Variants in CYP2C19 observed in about 807,000 individuals in gnomAD.
CYP2C19 encodes the protein cytochrome P450 family 2 subfamily C member 19.
CYP2C19 carries 59 observed loss-of-function variants against 40.9 expected under a neutral mutation model. The ratio of observed to expected loss-of-function variants is 1.44; its 90% CI spans 1.17 to 1.79. The LOEUF (loss-of-function observed/expected upper bound fraction) is 1.79. CYP2C19 is among the 40% of genes most tolerant of loss of function. The pLI, the probability that CYP2C19 is intolerant of heterozygous loss-of-function variation, is 0.00. For missense variants in CYP2C19, 754 were observed against 596.9 expected, an observed-to-expected ratio of 1.26 and a Z score of -2.74; for synonymous variants, 253 against 208.7, an observed-to-expected ratio of 1.21 and a Z score of -1.83.
chr10:94,815,975 G>T (rs1164477293), intron 5 of CYP2C19, among the ~76,000 whole-genome samples: 1 of 152,142 alleles, frequency 6.6e-6, no homozygotes, highest in Non-Finnish European at 1.5e-5. Context: ...AATTTAAGTT[G>T]TGGTTGTCTA....
chr10:94,769,672 G>T (rs952968026), intron 1 of CYP2C19, among the ~76,000 whole-genome samples: 1 of 152,136 alleles, frequency 6.6e-6, no homozygotes, highest in African/African-American at 2.4e-5. Context: ...GTTTTTAAAC[G>T]TTTAACAATA....
chr10:94,780,660 G>A lies in CYP2C19; in HGVS notation c.642+1G>A. ...GATTGTAAGCACCCCCTGGATCCAG[G>A]TAAGGCCAAGTTTTTTGCTTCCTGA... On this transcript the variant is annotated splice_donor_variant, in intron 4 of 8. Coordinates refer to ENST00000371321, the MANE Select transcript of CYP2C19 (RefSeq NM_000769.4). LOFTEE classifies it high-confidence loss of function. The A allele has an allele frequency of 1.2e-6, 2 of 1,613,376 alleles. No homozygotes were observed. Among genetic ancestry groups the A allele is most frequent in the Non-Finnish European group, 1.7e-6 (2 of 1,179,710 alleles).
chr10:94,766,163 G>C (rs866502554), intron 1 of CYP2C19, among the ~76,000 whole-genome samples: 1 of 152,196 alleles, frequency 6.6e-6, no homozygotes, highest in African/African-American at 2.4e-5. Context: ...TGTGGGAATG[G>C]GGGTGGCAAC....
intron 4 of CYP2C19, among the ~76,000 whole-genome samples, chr10:94,781,535 ATTG>A (rs892619604): frequency 5.3e-5 from 8 of 152,114 alleles, no homozygotes; most frequent in Non-Finnish European, 1.0e-4. Context: ...GTAGAGAAGA[ATTG>A]TTGTAAAAAG....
intron 6 of CYP2C19, among the ~76,000 whole-genome samples, chr10:94,839,676 G>A (rs553298989): frequency 6.6e-6 from 1 of 152,278 alleles, no homozygotes; most frequent in East Asian, 1.9e-4. Context: ...CAAAGAGTTC[G>A]CACTTTTGAG....
Position 94,853,309 on chromosome 10 carries a change from T to C in CYP2C19, c.*395T>C. On this transcript the variant is annotated 3_prime_UTR_variant, in exon 9 of 9. Coordinates refer to ENST00000371321, the MANE Select transcript of CYP2C19 (RefSeq NM_000769.4). ...CTTTGTGCATAATGCAGGTGACAAA[T>C]TAAAGAAAATAGAGTTCCAGGAGGC... 1 of 388,478 alleles carries C rather than the reference T, an allele frequency of 2.6e-6. No homozygotes were observed. Among genetic ancestry groups the C allele is most frequent in the South Asian group, 2.0e-5 (1 of 49,606 alleles). 24.1% of individuals were successfully genotyped at this position (388,478 alleles called of 1,614,324 possible).
At chr10:94,827,995 G>A (rs544479878) in intron 6 of CYP2C19, among the ~76,000 whole-genome samples, 4 of 151,948 alleles carry the variant, frequency 2.6e-5, no homozygotes, top group East Asian at 1.9e-4. Flanking sequence ...TCTTAATCCC[G>A]AGTTCTAGTT....
Position 94,827,472 on chromosome 10 carries a change from G to A in CYP2C19, c.961+6835G>A, listed in dbSNP as rs530924520. Among the ~76,000 whole-genome samples, 5 of 152,210 alleles carry A rather than the reference G, an allele frequency of 3.3e-5. No homozygotes were observed. In the South Asian group the frequency reaches 8.3e-4, roughly 25 times the overall value. The stretch of plus-strand genomic sequence containing the variant: ...CATAGAGGTGTTTGTAGTATTCTCT[G>A]ATGGTAGTTTGTATTTCTGTGGGAT... On this transcript the variant is annotated intron_variant, in intron 6 of 8. Coordinates refer to ENST00000371321, the MANE Select transcript of CYP2C19 (RefSeq NM_000769.4).
chr10:94,785,476 T>A (rs1383977873), intron 5 of CYP2C19, among the ~76,000 whole-genome samples: 1 of 152,090 alleles, frequency 6.6e-6, no homozygotes, highest in African/African-American at 2.4e-5. Flanking sequence ...TGGCCACAGA[T>A]GTTTAGGTTT....
chr10:94,816,626 G>A (rs1001253164), intron 5 of CYP2C19, among the ~76,000 whole-genome samples: 1 of 148,084 alleles, frequency 6.8e-6, no homozygotes, highest in Non-Finnish European at 1.5e-5. Flanking sequence ...TGTGCACATT[G>A]TGCAGGTTAG....
chr10:94,852,803 G>T lies in CYP2C19; in HGVS notation c.1362G>T (p.Gln454His). The T allele has an allele frequency of 1.2e-6, 2 of 1,614,066 alleles. No individual in the cohort carries two copies. Among genetic ancestry groups the T allele is most frequent in the Non-Finnish European group, 1.7e-6 (2 of 1,179,980 alleles). Residue 454 changes from glutamine (Q) to histidine (H), a missense_variant, in exon 9 of 9, where the codon CAG (glutamine) becomes CAT (histidine). Gln to His is a conservative substitution (Grantham distance 24). Coordinates refer to ENST00000371321, the MANE Select transcript of CYP2C19 (RefSeq NM_000769.4). ...TTTTATTCCTGACCTTCATTTTACAGAACTTTAACCTGAAATCTCTGATTG... is the reference window on the plus strand; with the variant it reads ...TTTTATTCCTGACCTTCATTTTACATAACTTTAACCTGAAATCTCTGATTG... The part of the protein sequence containing the change: ...ELFLFLTFIL[Q>H]NFNLKSLIDP...
chr10:94,855,371 C>CT lies in CYP2C19; in HGVS notation c.*2458dup, dbSNP rs1849715361. Among the ~76,000 whole-genome samples the CT allele has an allele frequency of 6.6e-6, 1 of 152,246 alleles. No homozygotes were observed. The highest frequency in any genetic ancestry group is 1.5e-5 in the Non-Finnish European group (1 of 68,042). On this transcript the variant is annotated 3_prime_UTR_variant, in exon 9 of 9. Coordinates refer to ENST00000371321, the MANE Select transcript of CYP2C19 (RefSeq NM_000769.4). Reference sequence around the variant, plus strand: ...CAACAATTGGACAAGGGCAATCTGACTGGAAAGTAGAAGTTGCTAACAACT... The same window carrying CT: ...CAACAATTGGACAAGGGCAATCTGACTTGGAAAGTAGAAGTTGCTAACAACT...
intron 6 of CYP2C19, among the ~76,000 whole-genome samples, chr10:94,841,053 TCCACTTCCAAGATGGTGGTGGG>T (rs1386240286): frequency 2.0e-5 from 3 of 151,932 alleles, no homozygotes; most frequent in Non-Finnish European, 4.4e-5. Context: ...ATGGTGGTGA[TCCACTTCCAAGATGGTGGTGGG>T]CCACTTCCAA....
At chr10:94,828,114 G>A (rs914707951) in intron 6 of CYP2C19, among the ~76,000 whole-genome samples, 3 of 152,260 alleles carry the variant, frequency 2.0e-5, no homozygotes, top group African/African-American at 4.8e-5. Context: ...TAGGTGTGGT[G>A]TGGTGCTGAA....
chr10:94,795,365 G>A (rs1398993903), intron 5 of CYP2C19, among the ~76,000 whole-genome samples: 1 of 151,914 alleles, frequency 6.6e-6, no homozygotes, highest in East Asian at 1.9e-4. Context: ...AGTATTCCAT[G>A]GTGTATATGT....
chr10:94,845,855 T>C (rs1340617434), intron 7 of CYP2C19, among the ~76,000 whole-genome samples: 1 of 152,054 alleles, frequency 6.6e-6, no homozygotes, highest in Non-Finnish European at 1.5e-5. Context: ...ACCTTTGTAT[T>C]ATAAAATTTT....
chr10:94,801,038 C>T (rs190033475), intron 5 of CYP2C19, among the ~76,000 whole-genome samples: 26 of 152,310 alleles, frequency 1.7e-4, no homozygotes, highest in Middle Eastern at 3.4e-3. Flanking sequence ...ATTGTCCAAC[C>T]AGTACCAATG....
chr10:94,834,759 G>A (rs992561407), intron 6 of CYP2C19, among the ~76,000 whole-genome samples: 8 of 152,104 alleles, frequency 5.3e-5, no homozygotes, highest in African/African-American at 1.9e-4. Flanking sequence ...ATTTTAGTGA[G>A]CTCTCCTTAC....
chr10:94,824,841 AT>A (rs934102913), intron 6 of CYP2C19, among the ~76,000 whole-genome samples: 9 of 127,692 alleles, frequency 7.0e-5, no homozygotes, highest in African/African-American at 2.4e-4. Context: ...AGAGTGTGAT[AT>A]TCCCCTTCCT....
Sources: gnomAD v4.1 joint callset for allele counts (sites outside exome capture counted in the v4.1 genomes callset) on GRCh38, gnomAD v4.1.1 for gene constraint, MANE v1.5 for transcripts, NCBI Gene and HGNC (gene_info 2026-07-23, HGNC 2026-07-21) for gene names.